Variants in ATR observed in about 807,000 individuals in gnomAD.
ATR encodes ATR checkpoint kinase, also known as serine/threonine-protein kinase ATR.
ATR carries 142 observed loss-of-function variants against 305.3 expected under a neutral mutation model. The ratio of observed to expected loss-of-function variants is 0.47; its 90% CI spans 0.41 to 0.53. ATR has a LOEUF of 0.53. Ranked by LOEUF, ATR falls within the 20% of genes least tolerant of loss-of-function variation. The pLI is 0.00. For synonymous variants in ATR, 1,050 were observed against 1,068.1 expected (o/e 0.98, Z 0.33); for missense variants, 2,135 against 3,133.1 (o/e 0.68, Z 7.60).
intron 30 of ATR, 132 bp from the exon 31 acceptor site, chr3:142,499,850 T>A: frequency 1.3e-6 from 1 of 741,458 alleles, no homozygotes; most frequent in Non-Finnish European, 2.2e-6. Context: ...TTCTTAGATA[T>A]AAAATAATTA....
chr3:142,557,597 A>G (rs973192961), intron 8 of ATR, among the ~76,000 whole-genome samples: 4 of 152,190 alleles, frequency 2.6e-5, no homozygotes, highest in African/African-American at 9.7e-5. Context: ...AATTCAGAAC[A>G]GTAGTAATCT....
In ATR at chr3:142,553,276, C is replaced by T. The variant is rs746370472; in HGVS notation, c.2756G>A (p.Ser919Asn). The T allele has an allele frequency of 6.2e-6, 10 of 1,613,990 alleles. No homozygotes were observed. In the Admixed American group the frequency reaches 1.2e-4, roughly 19 times the overall value. ...TEIRALVAAK[S>N]VKLQSFFSQY... is the part of the protein sequence containing the mutation. Reference sequence around the variant, plus strand: ...GCTGAAAAAACTTTGCAGTTTAACACTTTTAGCTGCAACCAGAGCTCTAAT... The same window carrying T: ...GCTGAAAAAACTTTGCAGTTTAACATTTTTAGCTGCAACCAGAGCTCTAAT... Residue 919 changes from serine (S) to asparagine (N), a missense_variant, in exon 13 of 47, where the codon AGT becomes AAT. Transcript: ENST00000350721.
In ATR at chr3:142,562,444, T is replaced by C. The variant is rs1467405815; in HGVS notation, c.958A>G (p.Met320Val). ...YRNIEPVYLN[M>V]LLEKLCVMFE... The stretch of plus-strand genomic sequence containing the variant: ...ATGACACAGAGTTTTTCCAGCAGCA[T>C]ATTTAAATAGACAGGTTCAATATTT... The change falls in exon 4 of 47, where the codon ATG (methionine) becomes GTG (valine). Residue 320 changes from methionine (M) to valine (V), a missense_variant. Met to Val is a conservative substitution (Grantham distance 21, BLOSUM62 1). This residue lies in a region of ATR where 744 missense variants were observed against 873.2 expected (regional missense o/e 0.85). Coordinates refer to ENST00000350721, the MANE Select transcript of ATR (RefSeq NM_001184.4). The C allele has an allele frequency of 4.3e-6, 7 of 1,614,136 alleles. No homozygotes were observed. In the East Asian group the frequency reaches 1.3e-4, roughly 31 times the overall value.
intron 1 of ATR, among the ~76,000 whole-genome samples, chr3:142,571,190 G>A (rs920933713): frequency 1.3e-5 from 2 of 152,144 alleles, no homozygotes; most frequent in Non-Finnish European, 2.9e-5. Context: ...AAAAGCGGCC[G>A]GGCATGGTGG....
chr3:142,496,039 T>C (rs2031568946), intron 34 of ATR, among the ~76,000 whole-genome samples: 2 of 151,228 alleles, frequency 1.3e-5, no homozygotes, highest in Non-Finnish European at 2.9e-5. Context: ...TATACATACA[T>C]AAGGTGAAAA....
chr3:142,550,395 G>A, intron 13 of ATR, 93 bp from the exon 14 acceptor site: 1 of 1,317,558 alleles, frequency 7.6e-7, no homozygotes, highest in Non-Finnish European at 1.1e-6. Flanking sequence ...GTATCAAATA[G>A]TATTCTACAT....
At chr3:142,464,307 T>C (rs1422631324) in intron 41 of ATR, among the ~76,000 whole-genome samples, 1 of 152,012 alleles carries the variant, frequency 6.6e-6, no homozygotes, top group Admixed American at 6.6e-5. Context: ...TTTTATTTTT[T>C]GTAGAGACAG....
At position 142,566,156 on chromosome 3, in the gene ATR, A is replaced by C. The variant is rs2108494049; in HGVS notation, c.257T>G (p.Val86Gly). Residue 86 changes from valine (V) to glycine (G), a missense_variant, in exon 3 of 47, where the codon GTG becomes GGG. Physicochemically the swap from Val to Gly is moderately radical, Grantham distance 109. This residue lies in a region of ATR where 744 missense variants were observed against 873.2 expected (regional missense o/e 0.85). Coordinates refer to ENST00000350721, the MANE Select transcript of ATR (RefSeq NM_001184.4). Reference sequence around the variant, plus strand: ...GCCTTTGGCCTCATGGCTTCCACTCACATTTACAAACATAAGTGGGGAGGA... The same window carrying C: ...GCCTTTGGCCTCATGGCTTCCACTCCCATTTACAAACATAAGTGGGGAGGA... ...MKSSPLMFVN[V>G]SGSHEAKGSC... 6.2e-7 allele frequency: 1 copy of C among 1,614,176 alleles called. No individual in the cohort carries two copies. Among genetic ancestry groups the C allele is most frequent in the East Asian group, 2.2e-5 (1 of 44,878 alleles).
At chr3:142,485,412 T>A (rs1301468948) in intron 35 of ATR, 130 bp from the exon 36 acceptor site, 2 of 1,128,344 alleles carry the variant, frequency 1.8e-6, no homozygotes, top group African/African-American at 3.1e-5. Context: ...AAAAGCAGAC[T>A]CAATCTTTGA....
At chr3:142,475,614 G>GTA (rs2071418817) in intron 36 of ATR, among the ~76,000 whole-genome samples, 1 of 152,222 alleles carries the variant, frequency 6.6e-6, no homozygotes, top group Non-Finnish European at 1.5e-5. Flanking sequence ...TATATACCCA[G>GTA]TAATGGGATG....
intron 27 of ATR, among the ~76,000 whole-genome samples, chr3:142,510,918 A>G (rs986384892): frequency 1.3e-5 from 2 of 152,214 alleles, no homozygotes; most frequent in African/African-American, 4.8e-5. Flanking sequence ...TCATTTTTAA[A>G]TCAAGATTCT....
intron 16 of ATR, among the ~76,000 whole-genome samples, chr3:142,546,324 T>C (rs13065075): frequency 0.63 from 95,450 of 151,954 alleles, 30,970 homozygotes; most frequent in African/African-American, 0.8. Flanking sequence ...AAGTTTTCTG[T>C]GGTTTGTAGT....
chr3:142,476,889 T>C (rs1017054127), intron 36 of ATR, among the ~76,000 whole-genome samples: 17 of 152,178 alleles, frequency 1.1e-4, no homozygotes, highest in African/African-American at 3.9e-4. Flanking sequence ...GATTTGGGTC[T>C]CTGTTTGTCT....
intron 15 of ATR, among the ~76,000 whole-genome samples, chr3:142,549,097 C>G (rs993860976): frequency 6.6e-6 from 1 of 152,220 alleles, no homozygotes; most frequent in Middle Eastern, 3.4e-3. Flanking sequence ...AAATTGTAAT[C>G]AGAACACCAA....
At chr3:142,545,048 TCAGA>T (rs1268262284) in intron 16 of ATR, among the ~76,000 whole-genome samples, 4 of 152,312 alleles carry the variant, frequency 2.6e-5, no homozygotes, top group South Asian at 2.1e-4. Context: ...GTTCTTGCAC[TCAGA>T]CAAACAATTA....
At chr3:142,541,612 AG>A (rs958389600) in intron 17 of ATR, among the ~76,000 whole-genome samples, 3 of 152,196 alleles carry the variant, frequency 2.0e-5, no homozygotes, top group Non-Finnish European at 4.4e-5. Flanking sequence ...TTTATAATGA[AG>A]GGGTAAAGAA....
intron 23 of ATR, among the ~76,000 whole-genome samples, chr3:142,521,591 C>T (rs2033149056): frequency 6.6e-6 from 1 of 152,124 alleles, no homozygotes; most frequent in Admixed American, 6.5e-5. Context: ...AAATATCTAT[C>T]AACATTAACA....
At chr3:142,505,726 A>C (rs1158168203) in intron 28 of ATR, among the ~76,000 whole-genome samples, 1 of 152,234 alleles carries the variant, frequency 6.6e-6, no homozygotes, top group Non-Finnish European at 1.5e-5. Context: ...ATCTGGGCTC[A>C]AAGGAGATAT....
At chr3:142,457,175 A>G (rs372395732) in intron 45 of ATR, among the ~76,000 whole-genome samples, 2 of 152,352 alleles carry the variant, frequency 1.3e-5, no homozygotes, top group East Asian at 3.9e-4. Context: ...ACATTAAGTG[A>G]AAGAAGACAA....
Sources: gnomAD v4.1 joint callset for allele counts (sites outside exome capture counted in the v4.1 genomes callset) on GRCh38, gnomAD v4.1.1 for gene constraint, gnomAD v4.1.1 regional missense constraint, MANE v1.5 for transcripts, NCBI Gene and HGNC (gene_info 2026-07-23, HGNC 2026-07-21) for gene names.